PCDHAC1: variants seen among roughly 807,000 people sequenced by gnomAD.
The protein encoded by PCDHAC1 is protocadherin alpha subfamily C, 1, also known as protocadherin alpha-C1.
A neutral mutation model predicts 60.0 loss-of-function variants in PCDHAC1; 42 were observed. The observed-to-expected ratio is 0.70, with a 90% CI of 0.55 to 0.90. PCDHAC1 has a LOEUF of 0.90. Among genes scored for constraint, PCDHAC1 ranks in the 40% least tolerant of loss-of-function variants. The probability of loss-of-function intolerance (pLI) is 0.00; values close to 1 mark genes in which losing one functional copy is unlikely to be tolerated. For synonymous variants in PCDHAC1, 468 were observed against 499.3 expected, an observed-to-expected ratio of 0.94 and a Z score of 0.84; for missense variants, 1,160 against 1,222.3, an observed-to-expected ratio of 0.95 and a Z score of 0.76.
intron 1 of PCDHAC1, 97 bp downstream of exon 1, chr5:140,929,422 T>C: frequency 1.3e-6 from 2 of 1,500,730 alleles, no homozygotes; most frequent in Non-Finnish European, 1.8e-6. Context: ...CAACATTTCA[T>C]CAATTGAACT....
At chr5:140,952,185 T>C (rs1354216964) in intron 1 of PCDHAC1, among the ~76,000 whole-genome samples, 1 of 152,010 alleles carries the variant, frequency 6.6e-6, no homozygotes, top group Non-Finnish European at 1.5e-5. Context: ...GCTGCTCTCA[T>C]GGGTTGGTGT....
intron 1 of PCDHAC1, among the ~76,000 whole-genome samples, chr5:140,944,057 G>A (rs1394005045): frequency 1.3e-5 from 2 of 152,130 alleles, no homozygotes; most frequent in African/African-American, 4.8e-5. Context: ...GATACAAAAA[G>A]GTTTCTTGTT....
intron 3 of PCDHAC1, among the ~76,000 whole-genome samples, chr5:140,988,469 G>A (rs2097299168): frequency 6.6e-6 from 1 of 152,150 alleles, no homozygotes; most frequent in Admixed American, 6.5e-5. Flanking sequence ...GGTGTGGGAA[G>A]GGGAATTAGC....
chr5:140,984,754 A>G (rs2097118359), intron 3 of PCDHAC1, among the ~76,000 whole-genome samples: 1 of 152,158 alleles, frequency 6.6e-6, no homozygotes, highest in Admixed American at 6.5e-5. Context: ...ATTTGAGTTG[A>G]ATTCTAATCC....
intron 3 of PCDHAC1, among the ~76,000 whole-genome samples, chr5:140,991,302 T>C (rs2097443703): frequency 6.6e-6 from 1 of 152,204 alleles, no homozygotes; most frequent in African/African-American, 2.4e-5. Flanking sequence ...ATTACTATTA[T>C]CTTGTCCCGC....
At position 141,010,262 on chromosome 5, in the gene PCDHAC1, C is replaced by A; in HGVS notation, c.*325C>A. 4 of 1,551,728 alleles carry A rather than the reference C, an allele frequency of 2.6e-6. No homozygotes were observed. Among genetic ancestry groups the A allele is most frequent in the Non-Finnish European group, 3.5e-6 (4 of 1,146,994 alleles). On this transcript the variant is annotated 3_prime_UTR_variant, in exon 4 of 4. Transcript: ENST00000253807. ...GAGGTTGGACTCTCTGCCCTGTGCT[C>A]CGGGGATCCTGTCTTGATGACACTT...
chr5:140,997,221 T>C (rs2097763900), intron 3 of PCDHAC1, among the ~76,000 whole-genome samples: 1 of 152,152 alleles, frequency 6.6e-6, no homozygotes, highest in Admixed American at 6.5e-5. Context: ...GAAACTATCA[T>C]TACCACCCAA....
chr5:140,950,087 T>G (rs1433717313), intron 1 of PCDHAC1, among the ~76,000 whole-genome samples: 3 of 151,938 alleles, frequency 2.0e-5, no homozygotes, highest in Admixed American at 6.6e-5. Flanking sequence ...ATGCTATAGT[T>G]TTCATTTGTA....
In PCDHAC1 at chr5:140,927,760, A is replaced by G; in HGVS notation, c.868A>G (p.Ser290Gly). 6.2e-7 allele frequency: 1 copy of G among 1,614,206 alleles called. No homozygotes were observed. The highest frequency in any genetic ancestry group is 8.5e-7 in the Non-Finnish European group (1 of 1,180,034). The change falls in exon 1 of 4, where the codon AGT (serine) becomes GGT (glycine). Residue 290 changes from serine (S) to glycine (G), a missense_variant. Physicochemically the swap from Ser to Gly is moderately conservative, Grantham distance 56. This residue lies in a region of PCDHAC1 where 1,113 missense variants were observed against 1,163.7 expected (regional missense o/e 0.96). Coordinates refer to ENST00000253807, the MANE Select transcript of PCDHAC1 (RefSeq NM_018898.5). ...LRHRFHVHPKSGEVQVAASLG... is the reference protein window; with the variant it reads ...LRHRFHVHPKGGEVQVAASLG... ...ACACCGCTTTCACGTGCACCCTAAAAGTGGGGAGGTGCAAGTAGCTGCTTC... is the reference window on the plus strand; with the variant it reads ...ACACCGCTTTCACGTGCACCCTAAAGGTGGGGAGGTGCAAGTAGCTGCTTC...
intron 1 of PCDHAC1, among the ~76,000 whole-genome samples, chr5:140,941,214 C>CCTTCCTTTCTTT (rs1554214040): frequency 1.6e-5 from 2 of 122,412 alleles, no homozygotes; most frequent in Non-Finnish European, 3.4e-5. Flanking sequence ...TTTCTTTCTT[C>CCTTCCTTTCTTT]CTTTCTTTCT....
At chr5:140,948,784 T>C (rs1486580473) in intron 1 of PCDHAC1, among the ~76,000 whole-genome samples, 6 of 151,646 alleles carry the variant, frequency 4.0e-5, no homozygotes, top group African/African-American at 1.4e-4. Flanking sequence ...CTTTTGGCTT[T>C]GTTGATATAT....
At chr5:141,000,410 TATATA>T in intron 3 of PCDHAC1, among the ~76,000 whole-genome samples, 1 of 101,974 alleles carries the variant, frequency 9.8e-6, no homozygotes, top group African/African-American at 3.9e-5. Context: ...TATATATATA[TATATA>T]TATATATTTT....
rs116743674 is a variant in PCDHAC1, at chr5:140,927,144, A to G, written c.252A>G (p.Glu84=). The change falls in exon 1 of 4, where the codon GAA becomes GAG. Residue 84 remains glutamate (E), a synonymous_variant. Transcript: ENST00000253807. ...NLVVREPADR[E]QLCRAKAACV... ...TGGTCAGAGAGCCGGCGGACCGCGA[A>G]CAGCTGTGCAGGGCCAAAGCTGCCT... 3.2e-3 allele frequency: 5,191 copies of G among 1,614,096 alleles called. 26 individuals are homozygous for G. The highest frequency in any genetic ancestry group is 0.019 in the African/African-American group (1,449 of 75,034).
intron 2 of PCDHAC1, among the ~76,000 whole-genome samples, chr5:140,979,231 C>T (rs1203154373): frequency 6.6e-6 from 1 of 152,186 alleles, no homozygotes; most frequent in Non-Finnish European, 1.5e-5. Context: ...TCTGTAAAAT[C>T]ACAGAAACAG....
chr5:140,982,507 G>T lies in PCDHAC1; in HGVS notation c.2525G>T (p.Arg842Leu). Reference sequence around the variant, plus strand: ...CACCTAGAGGAGGCTGGCATTCTACGGGCTGGTCCAGGAGGGCCTGATCAG... The same window carrying T: ...CACCTAGAGGAGGCTGGCATTCTACTGGCTGGTCCAGGAGGGCCTGATCAG... The part of the protein sequence containing the change: ...SVHLEEAGIL[R>L]AGPGGPDQQW... The change falls in exon 3 of 4, where the codon CGG becomes CTG. Residue 842 changes from arginine to leucine, a missense_variant. Physicochemically the swap from Arg to Leu is moderately radical, Grantham distance 102. Coordinates refer to ENST00000253807, the MANE Select transcript of PCDHAC1 (RefSeq NM_018898.5). 6.2e-7 allele frequency: 1 copy of T among 1,614,138 alleles called. No homozygotes were observed. Among genetic ancestry groups the T allele is most frequent in the Non-Finnish European group, 8.5e-7 (1 of 1,180,018 alleles).
chr5:140,935,710 A>C (rs551291942), intron 1 of PCDHAC1, among the ~76,000 whole-genome samples: 1 of 152,272 alleles, frequency 6.6e-6, no homozygotes, highest in South Asian at 2.1e-4. Context: ...TATAAAACAA[A>C]ATATATTTAG....
At chr5:140,982,823 G>A (rs1187029355) in intron 3 of PCDHAC1, among the ~76,000 whole-genome samples, 2 of 151,450 alleles carry the variant, frequency 1.3e-5, no homozygotes, top group South Asian at 2.1e-4. Context: ...GAAGTTTTTG[G>A]GGTTTGTTTG....
intron 3 of PCDHAC1, among the ~76,000 whole-genome samples, chr5:141,008,228 T>C (rs2098365726): frequency 1.3e-5 from 2 of 152,210 alleles, no homozygotes; most frequent in African/African-American, 4.8e-5. Context: ...GTTAGAAAAT[T>C]ACTGCTCAGG....
intron 3 of PCDHAC1, among the ~76,000 whole-genome samples, chr5:140,991,401 T>C (rs1271447254): frequency 6.6e-6 from 1 of 152,218 alleles, no homozygotes; most frequent in Non-Finnish European, 1.5e-5. Context: ...TGTATTTATT[T>C]CCCATTATGC....
Sources: allele counts gnomAD v4.1 joint callset (sites outside exome capture counted in the v4.1 genomes callset), GRCh38; gene constraint gnomAD v4.1.1; regional missense constraint gnomAD v4.1.1; transcripts MANE v1.5; gene names NCBI Gene and HGNC (gene_info 2026-07-23, HGNC 2026-07-21).